The following HELLS variants were observed in gnomAD, a reference collection of about 807,000 sequenced individuals.
HELLS encodes lymphoid-specific helicase.
In HELLS, 32 loss-of-function variants were observed where a neutral mutation model predicts 120.0. The observed-to-expected ratio is 0.27, with a 90% CI of 0.20 to 0.36. The LOEUF is 0.36. HELLS is among the 10% of genes least tolerant of loss of function. The pLI is 1.00. For missense variants in HELLS, 650 were observed against 993.4 expected (o/e 0.65, Z 4.65); for synonymous variants, 341 against 323.4 (o/e 1.05, Z -0.58).
intron 6 of HELLS, among the ~76,000 whole-genome samples, chr10:94,566,497 G>A (rs1276831695): frequency 1.3e-5 from 2 of 151,918 alleles, no homozygotes; most frequent in East Asian, 3.9e-4. Flanking sequence ...GAAGGATGAA[G>A]CTGTCGATGT....
At chr10:94,586,168 T>C (rs998576169) in intron 12 of HELLS, among the ~76,000 whole-genome samples, 3 of 152,124 alleles carry the variant, frequency 2.0e-5, no homozygotes, top group African/African-American at 7.2e-5. Flanking sequence ...TTGCCCAGGC[T>C]GGAGTGCCGT....
chr10:94,571,126 TAA>T (rs1844132403), intron 6 of HELLS: 1 of 294,206 alleles, frequency 3.4e-6, no homozygotes, highest in African/African-American at 2.2e-5. Flanking sequence ...CTACTCAGAT[TAA>T]AAGAAAGAAA....
intron 4 of HELLS, among the ~76,000 whole-genome samples, chr10:94,561,170 C>T (rs958953911): frequency 6.6e-6 from 1 of 152,034 alleles, no homozygotes; most frequent in African/African-American, 2.4e-5. Context: ...CAGAGCTTCA[C>T]TATGTTGCCC....
At chr10:94,583,943 T>A in intron 12 of HELLS, 7 of 489,904 alleles carry the variant, frequency 1.4e-5, no homozygotes, top group Non-Finnish European at 2.6e-5. Flanking sequence ...TTGTAGTATC[T>A]GTATTTAAAA....
At chr10:94,608,872 A>T (rs895795552) in intron 9 of HELLS, among the ~76,000 whole-genome samples, 2 of 152,096 alleles carry the variant, frequency 1.3e-5, no homozygotes, top group Non-Finnish European at 2.9e-5. Flanking sequence ...GGCGGCTGCA[A>T]CTTCTGGCCT....
intron 6 of HELLS, among the ~76,000 whole-genome samples, chr10:94,568,478 T>C (rs916787485): frequency 6.6e-6 from 1 of 152,186 alleles, no homozygotes; most frequent in Non-Finnish European, 1.5e-5. Flanking sequence ...TTTATCGATT[T>C]CTGTGAGTCA....
chr10:94,551,440 C>T (rs1842976617), intron 2 of HELLS, among the ~76,000 whole-genome samples: 1 of 151,962 alleles, frequency 6.6e-6, no homozygotes, highest in South Asian at 2.1e-4. Context: ...GTGGCAGGTG[C>T]CTCTAGTCCC....
intron 4 of HELLS, 74 bp downstream of exon 4, chr10:94,558,269 T>C (rs1843363157): frequency 6.8e-7 from 1 of 1,463,422 alleles, no homozygotes; most frequent in South Asian, 1.4e-5. Flanking sequence ...TTCTGACTTT[T>C]TTGATCATCT....
chr10:94,599,512 C>T (rs1290209996), intron 21 of HELLS, among the ~76,000 whole-genome samples: 1 of 152,070 alleles, frequency 6.6e-6, no homozygotes, highest in Non-Finnish European at 1.5e-5. Flanking sequence ...ATTACTATGT[C>T]CTGCTAATTT....
chr10:94,559,142 A>G (rs970252016), intron 4 of HELLS, among the ~76,000 whole-genome samples: 2 of 152,138 alleles, frequency 1.3e-5, no homozygotes, highest in Non-Finnish European at 2.9e-5. Flanking sequence ...TCCAATACAT[A>G]TGTTCCAAGC....
chr10:94,577,082 A>G, intron 10 of HELLS: 1 of 532,676 alleles, frequency 1.9e-6, no homozygotes, highest in South Asian at 1.7e-5. Context: ...TGTATTACAG[A>G]TATATTTGTG....
chr10:94,598,170 C>G (rs1280448542), intron 21 of HELLS, among the ~76,000 whole-genome samples: 1 of 152,156 alleles, frequency 6.6e-6, no homozygotes, highest in South Asian at 2.1e-4. Context: ...TTGTCTGTTG[C>G]ATCTGTATGG....
chr10:94,603,023 G>A (rs904100793), downstream of HELLS, among the ~76,000 whole-genome samples: 12 of 152,204 alleles, frequency 7.9e-5, no homozygotes, highest in African/African-American at 2.6e-4. Flanking sequence ...GAAAATAGAC[G>A]CAGTCAGAAA....
chr10:94,590,598 T>G, intron 14 of HELLS, 40 bp from the exon 15 acceptor site: 1 of 1,608,124 alleles, frequency 6.2e-7, no homozygotes, highest in Non-Finnish European at 8.5e-7. Context: ...ACTGTGACCA[T>G]TTTTTGCATT....
At chr10:94,573,858 A>G in intron 7 of HELLS, 102 bp from the exon 8 acceptor site, 2 of 661,934 alleles carry the variant, frequency 3.0e-6, no homozygotes. Flanking sequence ...ATACTTAATG[A>G]TTATAGGACT....
rs1004281975 is a variant in HELLS, at chr10:94,583,619, A to G, written c.1326+560A>G. ...GAGAGAAGTGAAAAGTAAAAATATC[A>G]CTTCCTCTTAAAATTGTATTTCCTA... On this transcript the variant is annotated intron_variant, in intron 12 of 21. Transcript: ENST00000348459. Among the ~76,000 whole-genome samples the G allele has an allele frequency of 2.6e-5, 4 of 152,102 alleles. No homozygotes were observed. In the South Asian group the frequency reaches 8.3e-4, roughly 32 times the overall value.
intron 2 of HELLS, among the ~76,000 whole-genome samples, chr10:94,553,007 G>A (rs1843060079): frequency 6.6e-6 from 1 of 152,072 alleles, no homozygotes; most frequent in South Asian, 2.1e-4. Flanking sequence ...TGTCTGTTTT[G>A]ATTGTTAGGA....
intron 6 of HELLS, among the ~76,000 whole-genome samples, chr10:94,568,082 G>T (rs1261614751): frequency 6.6e-6 from 1 of 151,810 alleles, no homozygotes; most frequent in Admixed American, 6.6e-5. Flanking sequence ...GCTAATTTTT[G>T]TATTTTTAGT....
At chr10:94,577,663 A>C (rs1844565378) in intron 10 of HELLS, 1 of 152,360 alleles carries the variant, frequency 6.6e-6, no homozygotes, top group Non-Finnish European at 1.5e-5. Context: ...ATGAAGGCTT[A>C]TGCCAGTAAT....
Sources: allele counts gnomAD v4.1 joint callset (sites outside exome capture counted in the v4.1 genomes callset), GRCh38; gene constraint gnomAD v4.1.1; transcripts MANE v1.5; gene names NCBI Gene and HGNC (gene_info 2026-07-23, HGNC 2026-07-21).